PRKD1: variants seen among roughly 807,000 people sequenced by gnomAD.
The protein encoded by PRKD1 is protein kinase D1.
PRKD1 carries 63 observed loss-of-function variants against 95.9 expected under a neutral mutation model. The observed-to-expected ratio is 0.66, with a 90% CI of 0.54 to 0.81. PRKD1 has a LOEUF of 0.81. PRKD1 is among the 30% of genes least tolerant of loss of function. The pLI, the probability that PRKD1 is intolerant of heterozygous loss-of-function variation, is 0.00. For missense variants in PRKD1, 1,048 were observed against 1,165.3 expected (o/e 0.90, Z 1.47); for synonymous variants, 425 against 423.1 (o/e 1.00, Z -0.05).
At chr14:29,884,722 A>C (rs1370747998) in intron 1 of PRKD1, among the ~76,000 whole-genome samples, 1 of 152,224 alleles carries the variant, frequency 6.6e-6, no homozygotes, top group Non-Finnish European at 1.5e-5. Flanking sequence ...GCATACAAGT[A>C]GTTCACTGAG....
At chr14:29,770,205 G>C (rs1888439560) in intron 1 of PRKD1, among the ~76,000 whole-genome samples, 1 of 152,196 alleles carries the variant, frequency 6.6e-6, no homozygotes, top group African/African-American at 2.4e-5. Flanking sequence ...AAATTACCCA[G>C]TCTAAGGTAT....
At chr14:29,705,675 TTC>T (rs1233317903) in intron 2 of PRKD1, among the ~76,000 whole-genome samples, 2 of 152,186 alleles carry the variant, frequency 1.3e-5, no homozygotes, top group Admixed American at 6.6e-5. Context: ...CTAATCTACT[TTC>T]TGTTTGTATG....
At chr14:29,730,017 A>C (rs1482315046) in intron 1 of PRKD1, among the ~76,000 whole-genome samples, 1 of 152,126 alleles carries the variant, frequency 6.6e-6, no homozygotes, top group Non-Finnish European at 1.5e-5. Flanking sequence ...AAACAAAAAA[A>C]AGCAAATATA....
chr14:29,666,597 A>G (rs903853598), intron 2 of PRKD1, among the ~76,000 whole-genome samples: 4 of 152,126 alleles, frequency 2.6e-5, no homozygotes, highest in Non-Finnish European at 5.9e-5. Flanking sequence ...TAATGAAAAG[A>G]AGAAAGTTGA....
intron 1 of PRKD1, among the ~76,000 whole-genome samples, chr14:29,826,451 T>C (rs770060630): frequency 1.3e-5 from 1 of 79,160 alleles, no homozygotes; most frequent in Middle Eastern, 7.1e-3. Flanking sequence ...TATATACATA[T>C]ATATGATGGA....
At chr14:29,802,414 C>T (rs952120766) in intron 1 of PRKD1, among the ~76,000 whole-genome samples, 2 of 152,202 alleles carry the variant, frequency 1.3e-5, no homozygotes, top group Admixed American at 6.5e-5. Context: ...AAAGCAAACA[C>T]ATGATGTATG....
chr14:29,911,435 C>T (rs138988225), intron 1 of PRKD1, among the ~76,000 whole-genome samples: 2,458 of 152,150 alleles, frequency 0.016, 35 homozygotes, highest in Non-Finnish European at 0.028. Flanking sequence ...ATTATAAAAC[C>T]AATGTACATA....
intron 1 of PRKD1, among the ~76,000 whole-genome samples, chr14:29,906,615 G>T (rs1894506104): frequency 6.6e-6 from 1 of 152,144 alleles, no homozygotes; most frequent in South Asian, 2.1e-4. Context: ...AAGTAACTAA[G>T]GTTATGAATT....
intron 1 of PRKD1, among the ~76,000 whole-genome samples, chr14:29,752,468 G>C (rs1206601647): frequency 6.6e-6 from 1 of 152,054 alleles, no homozygotes; most frequent in East Asian, 1.9e-4. Flanking sequence ...GAAAGATAAA[G>C]TAATGGCTGG....
chr14:29,601,988 G>T (rs1475911337), intron 13 of PRKD1, among the ~76,000 whole-genome samples: 2 of 152,200 alleles, frequency 1.3e-5, no homozygotes, highest in South Asian at 2.1e-4. Context: ...ACTATGATAT[G>T]TGCAAAGTAC....
At chr14:29,632,975 T>C (rs546260773) in intron 8 of PRKD1, 29 bp from the exon 9 acceptor site, 1 of 1,540,470 alleles carries the variant, frequency 6.5e-7, no homozygotes, top group African/African-American at 1.4e-5. Context: ...CCAAGATCTT[T>C]TTAAAAAACT....
chr14:29,614,183 G>C (rs1366796629), intron 13 of PRKD1, among the ~76,000 whole-genome samples: 1 of 152,120 alleles, frequency 6.6e-6, no homozygotes, highest in Non-Finnish European at 1.5e-5. Context: ...TTTCTTCCAT[G>C]GGGAGAACAA....
chr14:29,902,788 A>G lies in PRKD1; in HGVS notation c.264+24461T>C, dbSNP rs71415917. Reference sequence around the variant, plus strand: ...AATTCAATTTTTAAAAGTGTTACTGAGTTTTTCTAATTACTTTTATTATGT... The same window carrying G: ...AATTCAATTTTTAAAAGTGTTACTGGGTTTTTCTAATTACTTTTATTATGT... On this transcript the variant is annotated intron_variant, in intron 1 of 17. Transcript: ENST00000331968. Among the ~76,000 whole-genome samples the G allele has an allele frequency of 2.5e-3, 378 of 152,112 alleles. 2 individuals are homozygous for G. The highest frequency in any genetic ancestry group is 4.9e-3 in the Admixed American group (74 of 15,248).
At chr14:29,927,103 G>C (rs1053275948) in intron 1 of PRKD1, 146 bp downstream of exon 1, 1 of 838,442 alleles carries the variant, frequency 1.2e-6, no homozygotes, top group African/African-American at 1.8e-5. Flanking sequence ...GTCCAGCCGC[G>C]GCGGGGCCAG....
At chr14:29,713,821 G>C (rs1885456240) in intron 2 of PRKD1, among the ~76,000 whole-genome samples, 1 of 151,944 alleles carries the variant, frequency 6.6e-6, no homozygotes, top group Non-Finnish European at 1.5e-5. Flanking sequence ...TCATAACCAT[G>C]ACCAGTTCTC....
chr14:29,855,119 G>A (rs952438249), intron 1 of PRKD1, among the ~76,000 whole-genome samples: 9 of 152,184 alleles, frequency 5.9e-5, no homozygotes, highest in Non-Finnish European at 1.3e-4. Context: ...CCCTACTGGG[G>A]CACCACCAAG....
At chr14:29,722,114 G>A (rs35608550) in intron 2 of PRKD1, among the ~76,000 whole-genome samples, 33,154 of 152,008 alleles carry the variant, frequency 0.22, 4,042 homozygotes, top group African/African-American at 0.32. Flanking sequence ...CTGCAGTCCT[G>A]TGTCAGAAAA....
At chr14:29,686,557 G>A (rs990290170) in intron 2 of PRKD1, among the ~76,000 whole-genome samples, 4 of 152,178 alleles carry the variant, frequency 2.6e-5, no homozygotes, top group Admixed American at 6.5e-5. Flanking sequence ...CAAAACTGGG[G>A]CTGGGGCCTT....
chr14:29,578,484 CA>C (rs11365023), intron 16 of PRKD1, 124 bp from the exon 17 acceptor site: 187,371 of 263,882 alleles, frequency 0.71, 62,051 homozygotes, highest in African/African-American at 0.74. Flanking sequence ...GCACTAGAAC[CA>C]AAAAAAAAAA....
Sources: gnomAD v4.1 joint callset for allele counts (sites outside exome capture counted in the v4.1 genomes callset) on GRCh38, gnomAD v4.1.1 for gene constraint, MANE v1.5 for transcripts, NCBI Gene and HGNC (gene_info 2026-07-23, HGNC 2026-07-21) for gene names.